KLRG1: variants seen among roughly 807,000 people sequenced by gnomAD.
KLRG1 encodes killer cell lectin like receptor G1.
In KLRG1, 16 loss-of-function variants were observed where a neutral mutation model predicts 21.8. The ratio of observed to expected loss-of-function variants is 0.73; its 90% CI spans 0.50 to 1.11. KLRG1 has a LOEUF of 1.11. KLRG1 is among the 50% of genes most tolerant of loss of function. The pLI is 0.00. For missense variants in KLRG1, 173 were observed against 218.3 expected (o/e 0.79, Z 1.31); for synonymous variants, 69 against 75.9 (o/e 0.91, Z 0.47).
At chr12:9,020,052 T>C in the KLRG1 span, among the ~76,000 whole-genome samples, 1 of 132,932 alleles carries the variant, frequency 7.5e-6, no homozygotes, top group Admixed American at 7.8e-5. Context: ...TGTATACATA[T>C]ATATATATAT....
At chr12:9,019,364 T>C in the KLRG1 span, among the ~76,000 whole-genome samples, 5 of 152,324 alleles carry the variant, frequency 3.3e-5, no homozygotes, top group African/African-American at 1.2e-4. Flanking sequence ...ATATGTAGTT[T>C]CCTCAAAAAA....
the KLRG1 span, among the ~76,000 whole-genome samples, chr12:9,095,995 A>G: frequency 1.3e-5 from 2 of 150,748 alleles, no homozygotes; most frequent in Non-Finnish European, 3.0e-5. Flanking sequence ...TCCTGACCTC[A>G]TGATCCACCC....
At chr12:8,950,976 A>G (rs1946190907) in intron 1 of KLRG1, among the ~76,000 whole-genome samples, 1 of 151,978 alleles carries the variant, frequency 6.6e-6, no homozygotes, top group Non-Finnish European at 1.5e-5. Context: ...TTTGTTTATT[A>G]GTAATACATT....
intron 3 of KLRG1, among the ~76,000 whole-genome samples, chr12:8,999,271 T>G (rs1272523707): frequency 3.3e-5 from 5 of 152,218 alleles, no homozygotes; most frequent in Admixed American, 1.3e-4. Flanking sequence ...TTAGCCTGGT[T>G]CCTTATAGTT....
At chr12:9,146,416 C>T in the KLRG1 span, among the ~76,000 whole-genome samples, 1 of 152,008 alleles carries the variant, frequency 6.6e-6, no homozygotes, top group African/African-American at 2.4e-5. Context: ...ACTGCTCATA[C>T]ATTGTTCTTT....
At chr12:9,127,108 C>T in the KLRG1 span, among the ~76,000 whole-genome samples, 1 of 152,206 alleles carries the variant, frequency 6.6e-6, no homozygotes. Flanking sequence ...TCATTCTTCT[C>T]TTCTCTGCTA....
At chr12:9,195,232 T>A in the KLRG1 span, among the ~76,000 whole-genome samples, 13 of 152,148 alleles carry the variant, frequency 8.5e-5, no homozygotes, top group African/African-American at 3.1e-4. Flanking sequence ...TATCAATTTT[T>A]AAAAAATTTA....
chr12:9,104,306 T>C, the KLRG1 span: 4 of 1,613,080 alleles, frequency 2.5e-6, no homozygotes, highest in African/African-American at 1.3e-5. Context: ...GCCATGCTCA[T>C]CCGTGGTAGC....
the KLRG1 span, among the ~76,000 whole-genome samples, chr12:9,114,550 T>C: frequency 6.6e-6 from 1 of 152,098 alleles, no homozygotes; most frequent in Non-Finnish European, 1.5e-5. Context: ...ATTTAATATC[T>C]TTCTCTTCTT....
the KLRG1 span, chr12:9,112,147 T>C: frequency 2.5e-6 from 4 of 1,613,334 alleles, no homozygotes; most frequent in East Asian, 6.7e-5. Context: ...ATGTAGATAA[T>C]AGAAAACTCA....
In KLRG1 at chr12:9,003,852, C is replaced by G. The variant is rs1007589203; in HGVS notation, c.358-5123C>G. Among the ~76,000 whole-genome samples the G allele has an allele frequency of 3.9e-5, 6 of 152,102 alleles. No homozygotes were observed. In the East Asian group the frequency reaches 5.8e-4, roughly 15 times the overall value. On this transcript the variant is annotated intron_variant, in intron 3 of 4. Transcript: ENST00000356986. ...ATATCTCCTAATGCTATCCCTCCCC[C>G]CTTCCCCCACCCCACAACTGTCCCC...
the KLRG1 span, chr12:9,163,893 TAA>T: frequency 7.3e-7 from 1 of 1,373,624 alleles, no homozygotes; most frequent in Non-Finnish European, 9.8e-7. Flanking sequence ...AAAATAAGGC[TAA>T]AAAAAAAGAA....
chr12:9,144,989 T>A, the KLRG1 span, among the ~76,000 whole-genome samples: 1 of 152,252 alleles, frequency 6.6e-6, no homozygotes, highest in South Asian at 2.1e-4. Context: ...TCCTGCCCTG[T>A]CACCTACTCT....
the KLRG1 span, among the ~76,000 whole-genome samples, chr12:9,209,921 G>A: frequency 5.3e-5 from 8 of 151,968 alleles, no homozygotes; most frequent in East Asian, 3.9e-4. Flanking sequence ...CCATCTATAC[G>A]ACATTCTATT....
chr12:9,112,721 A>G, the KLRG1 span: 1 of 602,100 alleles, frequency 1.7e-6, no homozygotes, highest in Non-Finnish European at 2.9e-6. Flanking sequence ...GACAGGACAC[A>G]AGGTGGAGGA....
At chr12:9,180,031 G>A in the KLRG1 span, among the ~76,000 whole-genome samples, 2 of 152,198 alleles carry the variant, frequency 1.3e-5, no homozygotes, top group African/African-American at 4.8e-5. Flanking sequence ...GGCAGATTAA[G>A]TGAGAAAACC....
chr12:9,089,716 G>A, the KLRG1 span, among the ~76,000 whole-genome samples: 2 of 152,070 alleles, frequency 1.3e-5, no homozygotes, highest in East Asian at 3.8e-4. Context: ...ACTCCAGCCT[G>A]GATGACAGAG....
At chr12:9,076,427 C>A in the KLRG1 span, among the ~76,000 whole-genome samples, 1 of 152,232 alleles carries the variant, frequency 6.6e-6, no homozygotes, top group East Asian at 1.9e-4. Context: ...TGGAGCTAGT[C>A]TCCAGAGAAT....
At chr12:9,060,035 C>T in the KLRG1 span, among the ~76,000 whole-genome samples, 3 of 94,108 alleles carry the variant, frequency 3.2e-5, no homozygotes, top group Admixed American at 1.7e-4. Context: ...GATGGAGTTT[C>T]GCTCTGTCGC....
Sources: allele counts gnomAD v4.1 joint callset (sites outside exome capture counted in the v4.1 genomes callset), GRCh38; gene constraint gnomAD v4.1.1; transcripts MANE v1.5; gene names NCBI Gene and HGNC (gene_info 2026-07-23, HGNC 2026-07-21).